The following STK35 variants were observed in gnomAD, a reference collection of about 807,000 sequenced individuals.
STK35 encodes the protein serine/threonine kinase 35.
STK35 carries 17 observed loss-of-function variants against 37.3 expected under a neutral mutation model. The observed-to-expected ratio is 0.46, with a 90% confidence interval of 0.31 to 0.68. The LOEUF is 0.68. Ranked by LOEUF, STK35 falls within the 30% of genes least tolerant of loss-of-function variation. The pLI is 0.05. For missense variants in STK35, 595 were observed against 746.7 expected (o/e 0.80, Z 2.37); for synonymous variants, 385 against 319.1 (o/e 1.21, Z -2.20).
intron 3 of STK35, among the ~76,000 whole-genome samples, chr20:2,130,887 G>A (rs539002382): frequency 6.6e-6 from 1 of 152,146 alleles, no homozygotes; most frequent in Non-Finnish European, 1.5e-5. Context: ...ACCGTGGTTT[G>A]AATGACAATA....
chr20:2,105,177 C>G (rs1985490710), intron 2 of STK35, among the ~76,000 whole-genome samples: 1 of 151,662 alleles, frequency 6.6e-6, no homozygotes, highest in Non-Finnish European at 1.5e-5. Context: ...AAAAAAGACT[C>G]CCTAGGGGAT....
chr20:2,123,248 C>T (rs1287659396), intron 3 of STK35, among the ~76,000 whole-genome samples: 1 of 152,136 alleles, frequency 6.6e-6, no homozygotes, highest in Non-Finnish European at 1.5e-5. Flanking sequence ...CCTGAGGGGT[C>T]ACAGAAAGTA....
intron 3 of STK35, among the ~76,000 whole-genome samples, chr20:2,135,229 C>G (rs1379000944): frequency 6.6e-6 from 1 of 152,208 alleles, no homozygotes; most frequent in Non-Finnish European, 1.5e-5. Context: ...GGGCGACAGT[C>G]TGTCTGCCTT....
At chr20:2,135,379 C>T (rs1283503599) in intron 3 of STK35, among the ~76,000 whole-genome samples, 1 of 152,316 alleles carries the variant, frequency 6.6e-6, no homozygotes, top group East Asian at 1.9e-4. Flanking sequence ...CCTTGTAGGG[C>T]TGCCCCAGCC....
At chr20:2,104,591 CT>C (rs144876726) in intron 2 of STK35, among the ~76,000 whole-genome samples, 1,614 of 152,156 alleles carry the variant, frequency 0.011, 24 homozygotes, top group African/African-American at 0.034. Flanking sequence ...TGAGGATGAA[CT>C]TTTTTAAGAG....
At chr20:2,106,269 C>T (rs1985513469) in intron 2 of STK35, among the ~76,000 whole-genome samples, 1 of 152,118 alleles carries the variant, frequency 6.6e-6, no homozygotes, top group African/African-American at 2.4e-5. Flanking sequence ...GTAGAGATAA[C>T]CTGGTTCAGC....
At chr20:2,114,453 A>T (rs1007167640) in intron 2 of STK35, among the ~76,000 whole-genome samples, 4 of 152,136 alleles carry the variant, frequency 2.6e-5, no homozygotes, top group African/African-American at 9.7e-5. Context: ...CGTAAAAATA[A>T]TAACACTTTT....
At chr20:2,119,838 G>T (rs1441370276) in intron 3 of STK35, among the ~76,000 whole-genome samples, 1 of 152,154 alleles carries the variant, frequency 6.6e-6, no homozygotes, top group African/African-American at 2.4e-5. Context: ...TTATCCTCTG[G>T]TTTCTAGGTG....
At position 2,147,372 on chromosome 20, in the gene STK35, T is replaced by G. The variant is rs866522228; in HGVS notation, c.*3626T>G. The G allele has an allele frequency of 6.5e-6, 1 of 152,806 alleles. No homozygotes were observed. The highest frequency in any genetic ancestry group is 2.4e-5 in the African/African-American group (1 of 41,588). The allele number at this position is 152,806 out of a possible 1,614,324, so 9.5% of individuals were successfully genotyped here. On this transcript the variant is annotated 3_prime_UTR_variant, in exon 4 of 4. Coordinates refer to ENST00000381482, the MANE Select transcript of STK35 (RefSeq NM_080836.4). ...CCAGTGTTTGGAGCAATAAGATGAT[T>G]ATTTTTGCTTGAATCTTTTTCTAAG...
intron 2 of STK35, among the ~76,000 whole-genome samples, chr20:2,115,482 G>A (rs549079826): frequency 1.3e-5 from 2 of 152,074 alleles, no homozygotes; most frequent in African/African-American, 4.8e-5. Flanking sequence ...CCCAGAACAA[G>A]CCAGCACATT....
chr20:2,139,996 A>G (rs1986147304), intron 3 of STK35, among the ~76,000 whole-genome samples: 1 of 152,170 alleles, frequency 6.6e-6, no homozygotes, highest in African/African-American at 2.4e-5. Flanking sequence ...CATAGTGCAG[A>G]GACTTTGGGT....
intron 2 of STK35, among the ~76,000 whole-genome samples, chr20:2,104,839 A>G (rs1293089212): frequency 6.6e-6 from 1 of 152,076 alleles, no homozygotes; most frequent in African/African-American, 2.4e-5. Flanking sequence ...CCCTCTCCCC[A>G]GGGTGAGTGT....
chr20:2,147,101 A>C lies in STK35; in HGVS notation c.*3355A>C, dbSNP rs1402378679. The C allele has an allele frequency of 6.5e-6, 1 of 152,690 alleles. No homozygotes were observed. The highest frequency in any genetic ancestry group is 6.5e-5 in the Admixed American group (1 of 15,290). The allele number at this position is 152,690 out of a possible 1,614,324, so 9.5% of individuals were successfully genotyped here. A position where few individuals can be genotyped will look rare whatever the true frequency, so the allele number is the denominator to read the frequency against. ...AGGAGAAACACCCAACACTGAGTGGAGATTTGACTCTGGACAGGGCCTGGC... is the reference window on the plus strand; with the variant it reads ...AGGAGAAACACCCAACACTGAGTGGCGATTTGACTCTGGACAGGGCCTGGC... On this transcript the variant is annotated 3_prime_UTR_variant, in exon 4 of 4. Transcript: ENST00000381482.
At chr20:2,115,384 A>G (rs1568575471) in intron 2 of STK35, among the ~76,000 whole-genome samples, 1 of 152,134 alleles carries the variant, frequency 6.6e-6, no homozygotes. Flanking sequence ...AAGTGCAGTC[A>G]TTTTTGGTAG....
At chr20:2,102,724 T>C in intron 1 of STK35, 44 bp from the exon 2 acceptor site, 1 of 1,360,856 alleles carries the variant, frequency 7.3e-7, no homozygotes, top group South Asian at 1.6e-5. Context: ...GCTCCTGGCC[T>C]CCCCGCCTTG....
intron 1 of STK35, 43 bp downstream of exon 1, chr20:2,102,218 G>C: frequency 7.3e-7 from 1 of 1,368,438 alleles, no homozygotes; most frequent in Non-Finnish European, 9.4e-7. Flanking sequence ...GCCGAGGCTG[G>C]AGTTACTGCC....
intron 3 of STK35, among the ~76,000 whole-genome samples, chr20:2,129,025 A>G (rs888887920): frequency 6.6e-6 from 1 of 152,086 alleles, no homozygotes; most frequent in Non-Finnish European, 1.5e-5. Context: ...GGGTTTCACC[A>G]TGTTGGCCAG....
chr20:2,113,695 C>A (rs1568575031), intron 2 of STK35, among the ~76,000 whole-genome samples: 1 of 152,132 alleles, frequency 6.6e-6, no homozygotes, highest in Non-Finnish European at 1.5e-5. Flanking sequence ...CGGTGACTTC[C>A]AAGGATTTGG....
intron 2 of STK35, among the ~76,000 whole-genome samples, chr20:2,108,631 C>T (rs1317287802): frequency 2.0e-5 from 3 of 152,168 alleles, no homozygotes; most frequent in African/African-American, 7.2e-5. Context: ...ACCCCACCTG[C>T]TCTCTGCTCT....
Sources: gnomAD v4.1 joint callset for allele counts (sites outside exome capture counted in the v4.1 genomes callset) on GRCh38, gnomAD v4.1.1 for gene constraint, MANE v1.5 for transcripts, NCBI Gene and HGNC (gene_info 2026-07-23, HGNC 2026-07-21) for gene names.